The following DNAH7 variants were observed in gnomAD, a reference collection of about 807,000 sequenced individuals.
DNAH7 encodes dynein axonemal heavy chain 7.
A neutral mutation model predicts 444.6 loss-of-function variants in DNAH7; 397 were observed. The ratio of observed to expected loss-of-function variants is 0.89; its 90% confidence interval spans 0.82 to 0.97. The LOEUF (loss-of-function observed/expected upper bound fraction) is 0.97. Ranked by LOEUF, DNAH7 falls within the 50% of genes least tolerant of loss-of-function variation. DNAH7 has a pLI of 0.00. For missense variants in DNAH7, 4,902 were observed against 4,800.8 expected (o/e 1.02, Z -0.62); for synonymous variants, 1,636 against 1,624.4 (o/e 1.01, Z -0.17).
rs1433069724 is a variant in DNAH7 at position 195,910,022 on chromosome 2, C to T, written c.4104+5G>A. The T allele has an allele frequency of 6.2e-7, 1 of 1,609,942 alleles. No individual in the cohort carries two copies. Among genetic ancestry groups the T allele is most frequent in the Non-Finnish European group, 8.5e-7 (1 of 1,177,912 alleles). ...GTTGTAAAGAAATGAGGAGTTAATT[C>T]AAACCTTAAAGAATTTTCCCAAAGC... On this transcript the variant is annotated splice_donor_5th_base_variant and intron_variant, in intron 25 of 64. Transcript: ENST00000312428.
intron 19 of DNAH7, among the ~76,000 whole-genome samples, chr2:195,944,614 C>T (rs1023098428): frequency 6.6e-6 from 1 of 152,104 alleles, no homozygotes; most frequent in African/African-American, 2.4e-5. Flanking sequence ...CCACCCCATG[C>T]TTTGCAATAA....
At chr2:196,030,884 G>A (rs546625513) in intron 5 of DNAH7, among the ~76,000 whole-genome samples, 1 of 152,232 alleles carries the variant, frequency 6.6e-6, no homozygotes, top group Non-Finnish European at 1.5e-5. Flanking sequence ...AGTGTCTGCG[G>A]CTTTTCCAGG....
In DNAH7 at chr2:195,864,223, T is replaced by C; in HGVS notation, c.7432A>G (p.Ile2478Val). ...AGACGATTCCGAAATGCATCTCCAATGGGACTCATGGCAAGGACCACATGC... is the reference window on the plus strand; with the variant it reads ...AGACGATTCCGAAATGCATCTCCAACGGGACTCATGGCAAGGACCACATGC... ...QLHVVLAMSP[I>V]GDAFRNRLRK... The change falls in exon 41 of 65, where the codon ATT becomes GTT. Residue 2478 changes from isoleucine to valine, a missense_variant. By Grantham distance (29) the Ile-to-Val change is conservative (BLOSUM62 3). Transcript: ENST00000312428. The C allele has an allele frequency of 1.2e-6, 2 of 1,614,126 alleles. No homozygotes were observed. The highest frequency in any genetic ancestry group is 1.7e-6 in the Non-Finnish European group (2 of 1,179,996).
intron 19 of DNAH7, among the ~76,000 whole-genome samples, chr2:195,948,396 G>C (rs982778547): frequency 6.6e-6 from 1 of 152,126 alleles, no homozygotes; most frequent in Non-Finnish European, 1.5e-5. Flanking sequence ...TATTGCCTAG[G>C]TTTTCTTCTA....
At chr2:195,926,597 C>G in intron 21 of DNAH7, 31 bp from the exon 22 acceptor site, 1 of 1,545,246 alleles carries the variant, frequency 6.5e-7, no homozygotes, top group South Asian at 1.3e-5. Context: ...TAAATATTAA[C>G]CATTTCCTGA....
Position 195,752,336 on chromosome 2 carries a change from C to G in DNAH7, c.11764+2001G>C, listed in dbSNP as rs528466598. Among the ~76,000 whole-genome samples, 42 of 150,718 alleles carry G rather than the reference C, an allele frequency of 2.8e-4. No individual in the cohort carries two copies. In the South Asian group the frequency reaches 8.6e-3, roughly 31 times the overall value. The stretch of plus-strand genomic sequence containing the variant: ...GGTGAGCAACAGCCCTTGATATGAA[C>G]AGATGAGGGAGCAGAAGAACGAAGA... On this transcript the variant is annotated intron_variant, in intron 63 of 64. Coordinates refer to ENST00000312428, the MANE Select transcript of DNAH7 (RefSeq NM_018897.3).
At chr2:195,870,452 A>C (rs1700611456) in intron 40 of DNAH7, among the ~76,000 whole-genome samples, 4 of 152,202 alleles carry the variant, frequency 2.6e-5, no homozygotes, top group Admixed American at 2.6e-4. Context: ...TATCAAGGGC[A>C]AAGTTACTGA....
intron 5 of DNAH7, among the ~76,000 whole-genome samples, chr2:196,028,416 G>C (rs979946794): frequency 7.9e-5 from 12 of 152,054 alleles, no homozygotes; most frequent in Non-Finnish European, 2.9e-5. Context: ...GTTTTAAAAA[G>C]AACACTGATG....
chr2:195,980,770 T>C (rs1233818681), intron 15 of DNAH7, among the ~76,000 whole-genome samples: 1 of 152,090 alleles, frequency 6.6e-6, no homozygotes, highest in African/African-American at 2.4e-5. Context: ...ACCATTTTGA[T>C]TGATGCTAAA....
chr2:195,864,738 A>G lies in DNAH7; in HGVS notation c.6917T>C (p.Ile2306Thr). 1 of 1,614,142 alleles carries G rather than the reference A, an allele frequency of 6.2e-7. No individual in the cohort carries two copies. Among genetic ancestry groups the G allele is most frequent in the Non-Finnish European group, 8.5e-7 (1 of 1,180,022 alleles). ...GACAAGGTTCATGGGTTTTTTGCTTATATTGTTGTATTCTTCTAGGTGAAT... is the reference window on the plus strand; with the variant it reads ...GACAAGGTTCATGGGTTTTTTGCTTGTATTGTTGTATTCTTCTAGGTGAAT... Reference protein sequence around the residue: ...VEIHLEEYNNISKKPMNLVLF... With the variant: ...VEIHLEEYNNTSKKPMNLVLF... The change falls in exon 41 of 65, where the codon ATA (isoleucine) becomes ACA (threonine). Residue 2306 changes from isoleucine to threonine, a missense_variant. Transcript: ENST00000312428.
chr2:195,799,572 T>G (rs977979591), intron 54 of DNAH7, 100 bp from the exon 55 acceptor site: 11 of 1,062,416 alleles, frequency 1.0e-5, no homozygotes, highest in South Asian at 5.6e-5. Flanking sequence ...ATACCCTAGC[T>G]CTATTAGTTT....
chr2:195,857,421 G>T lies in DNAH7; in HGVS notation c.8370C>A (p.Ala2790=), dbSNP rs760707212. 6.2e-7 allele frequency: 1 copy of T among 1,609,312 alleles called. No individual in the cohort carries two copies. The highest frequency in any genetic ancestry group is 8.5e-7 in the Non-Finnish European group (1 of 1,178,402). ...CTATGACCCATTTGCACAGACCTTC[G>T]GCCGCTGTAGAAGCATTTCTGATTT... ...PEKIRNASTA[A]EGLCKWVIAM... Residue 2790 remains alanine, a synonymous_variant, in exon 44 of 65, where the codon GCC becomes GCA. Transcript: ENST00000312428.
At chr2:195,928,664 G>A (rs1267679927) in intron 21 of DNAH7, among the ~76,000 whole-genome samples, 1 of 152,030 alleles carries the variant, frequency 6.6e-6, no homozygotes, top group African/African-American at 2.4e-5. Flanking sequence ...ATTCATAATA[G>A]GGAGAAAATC....
chr2:195,984,415 T>C (rs1692773840), intron 15 of DNAH7, among the ~76,000 whole-genome samples: 1 of 152,180 alleles, frequency 6.6e-6, no homozygotes, highest in African/African-American at 2.4e-5. Flanking sequence ...TGGCGCAATC[T>C]CGACTCATTG....
chr2:195,752,108 A>G (rs113823075), intron 63 of DNAH7, among the ~76,000 whole-genome samples: 4,072 of 152,084 alleles, frequency 0.027, 156 homozygotes, highest in African/African-American at 0.094. Flanking sequence ...CTGTCTATAC[A>G]AAAAAATGAA....
In DNAH7 at chr2:195,853,358, T is replaced by C. The variant is rs1574570032; in HGVS notation, c.8766A>G (p.Thr2922=). The C allele has an allele frequency of 6.2e-7, 1 of 1,613,924 alleles. No individual in the cohort carries two copies. Among genetic ancestry groups the C allele is most frequent in the Non-Finnish European group, 8.5e-7 (1 of 1,179,934 alleles). The change falls in exon 46 of 65, where the codon ACA becomes ACG. Residue 2922 remains threonine (T), a synonymous_variant. Coordinates refer to ENST00000312428, the MANE Select transcript of DNAH7 (RefSeq NM_018897.3). ...SGVVAYLGAF[T]STYRQNQTKE... is the part of the protein sequence containing the mutation. ...TGTCCCTTACCTGTCTATAGGTGGA[T>C]GTGAAGGCTCCGAGGTAAGCAACCA...
chr2:195,827,707 T>C (rs1030625760), intron 48 of DNAH7, among the ~76,000 whole-genome samples: 16 of 151,988 alleles, frequency 1.1e-4, no homozygotes, highest in African/African-American at 3.1e-4. Context: ...CAACCTCACA[T>C]AGGTGGAACT....
chr2:195,866,399 C>G (rs149378990), intron 40 of DNAH7, among the ~76,000 whole-genome samples: 1 of 151,616 alleles, frequency 6.6e-6, no homozygotes, highest in Non-Finnish European at 1.5e-5. Context: ...TTTAAACTTC[C>G]TTCTTATTCC....
intron 5 of DNAH7, among the ~76,000 whole-genome samples, chr2:196,036,245 G>T (rs1696381858): frequency 6.6e-6 from 1 of 152,050 alleles, no homozygotes; most frequent in African/African-American, 2.4e-5. Flanking sequence ...TGTTGGCCAG[G>T]CTGGTCTCGA....
Sources: allele counts gnomAD v4.1 joint callset (sites outside exome capture counted in the v4.1 genomes callset), GRCh38; gene constraint gnomAD v4.1.1; transcripts MANE v1.5; gene names NCBI Gene and HGNC (gene_info 2026-07-23, HGNC 2026-07-21).